The following KDM4C variants were observed in gnomAD, a reference collection of about 807,000 sequenced individuals.
The protein encoded by KDM4C is lysine demethylase 4C, also known as lysine-specific demethylase 4C.
A neutral mutation model predicts 129.3 loss-of-function variants in KDM4C; 81 were observed. The ratio of observed to expected loss-of-function variants is 0.63; its 90% CI spans 0.52 to 0.75. The LOEUF (loss-of-function observed/expected upper bound fraction) is 0.75. Among genes scored for constraint, KDM4C ranks in the 30% least tolerant of loss-of-function variants. The pLI, the probability that KDM4C is intolerant of heterozygous loss-of-function variation, is 0.00. For synonymous variants in KDM4C, 573 were observed against 456.1 expected, an observed-to-expected ratio of 1.26 and a Z score of -3.26; for missense variants, 1,457 against 1,304.0, an observed-to-expected ratio of 1.12 and a Z score of -1.81.
chr9:6,941,576 C>CTGT (rs1349236931), intron 8 of KDM4C: 1 of 152,218 alleles, frequency 6.6e-6, no homozygotes, highest in East Asian at 1.9e-4. Context: ...TTTCCTCTGA[C>CTGT]TGTTACCAGG....
At chr9:7,117,851 C>T (rs1311447682) in intron 18 of KDM4C, among the ~76,000 whole-genome samples, 1 of 152,206 alleles carries the variant, frequency 6.6e-6, no homozygotes, top group Non-Finnish European at 1.5e-5. Flanking sequence ...GTAGGCGAAG[C>T]TCATGCCAGG....
At chr9:6,769,071 C>T (rs893910278) in intron 1 of KDM4C, among the ~76,000 whole-genome samples, 2 of 152,114 alleles carry the variant, frequency 1.3e-5, no homozygotes, top group East Asian at 3.8e-4. Context: ...CTACACCTGG[C>T]CTGGAGTTTG....
At chr9:6,941,308 G>C (rs1241619942) in intron 8 of KDM4C, among the ~76,000 whole-genome samples, 2 of 152,092 alleles carry the variant, frequency 1.3e-5, no homozygotes, top group East Asian at 1.9e-4. Flanking sequence ...TTTTTCATAT[G>C]TTTATTCACT....
At chr9:7,055,862 T>C (rs1469552018) in intron 17 of KDM4C, among the ~76,000 whole-genome samples, 1 of 152,218 alleles carries the variant, frequency 6.6e-6, no homozygotes, top group Non-Finnish European at 1.5e-5. Context: ...CGTGAGCAAC[T>C]TGGCTTTCTT....
At chr9:7,019,603 C>T (rs572802868) in intron 15 of KDM4C, among the ~76,000 whole-genome samples, 3 of 149,912 alleles carry the variant, frequency 2.0e-5, no homozygotes, top group Middle Eastern at 7.0e-3. Context: ...TTCAACGCCT[C>T]GTGTTCATTT....
intron 5 of KDM4C, among the ~76,000 whole-genome samples, chr9:6,873,227 C>T (rs1843032046): frequency 6.6e-6 from 1 of 152,158 alleles, no homozygotes; most frequent in Non-Finnish European, 1.5e-5. Flanking sequence ...GAACTCCTGA[C>T]CTCAGGTGAT....
chr9:6,919,545 GTCTA>G (rs1029513535), intron 8 of KDM4C, among the ~76,000 whole-genome samples: 4,414 of 79,294 alleles, frequency 0.056, 147 homozygotes, highest in African/African-American at 0.12. Flanking sequence ...CTGTCTGTCT[GTCTA>G]TCTATCTATC....
intron 17 of KDM4C, among the ~76,000 whole-genome samples, chr9:7,071,073 C>G (rs745449019): frequency 6.6e-6 from 1 of 152,010 alleles, no homozygotes; most frequent in Non-Finnish European, 1.5e-5. Flanking sequence ...CCATTAATGC[C>G]AAAATAATGA....
At chr9:7,144,202 C>T (rs1345823588) in intron 19 of KDM4C, among the ~76,000 whole-genome samples, 5 of 151,892 alleles carry the variant, frequency 3.3e-5, no homozygotes, top group Middle Eastern at 3.4e-3. Flanking sequence ...ACGCTCACCT[C>T]GGCCTCCCAA....
chr9:6,836,161 T>TA (rs369497432), intron 4 of KDM4C, among the ~76,000 whole-genome samples: 1 of 151,944 alleles, frequency 6.6e-6, no homozygotes, highest in African/African-American at 2.4e-5. Context: ...GTGCACAACT[T>TA]AAAAAAATCA....
chr9:6,842,061 C>T (rs985289784), intron 4 of KDM4C, among the ~76,000 whole-genome samples: 3 of 152,136 alleles, frequency 2.0e-5, no homozygotes, highest in Admixed American at 1.3e-4. Context: ...AGGTTCCTAC[C>T]ACTTGTATAG....
rs1846655932 is a variant in KDM4C at position 6,895,100 on chromosome 9, C to CTTA, written c.921+1868_921+1869insTTA. ...AGATTTTTTCAGTGTTATGGCCACC[C>CTTA]CTTACTTCCTTTGGCCAGGTGATGT... is the stretch of plus-strand genomic sequence containing the variant. On this transcript the variant is annotated intron_variant, in intron 8 of 21. Coordinates refer to ENST00000381309, the MANE Select transcript of KDM4C (RefSeq NM_015061.6). Among the ~76,000 whole-genome samples, 17 of 152,222 alleles carry CTTA rather than the reference C, an allele frequency of 1.1e-4. No homozygotes were observed. The South Asian group carries it at 3.5e-3, about 32-fold the overall frequency.
At chr9:7,015,831 G>C (rs1284066944) in intron 14 of KDM4C, 22 bp from the exon 15 acceptor site, 7 of 1,540,176 alleles carry the variant, frequency 4.5e-6, no homozygotes, top group Non-Finnish European at 6.3e-6. Flanking sequence ...CTAACGCATG[G>C]ATACATACTA....
chr9:6,935,895 T>C (rs1238483411), intron 8 of KDM4C, among the ~76,000 whole-genome samples: 2 of 152,282 alleles, frequency 1.3e-5, no homozygotes, highest in East Asian at 3.9e-4. Context: ...AGGGCTTGAA[T>C]TTTTTGAAGA....
chr9:7,085,097 C>G (rs1834959837), intron 17 of KDM4C, among the ~76,000 whole-genome samples: 1 of 152,178 alleles, frequency 6.6e-6, no homozygotes, highest in Non-Finnish European at 1.5e-5. Flanking sequence ...TTCGAGGACC[C>G]TGAGGTGGAA....
intron 17 of KDM4C, among the ~76,000 whole-genome samples, chr9:7,086,707 A>G (rs1345350363): frequency 3.9e-5 from 6 of 152,362 alleles, no homozygotes; most frequent in Admixed American, 3.3e-4. Context: ...ATCATGGACT[A>G]TGCATGCAGG....
At chr9:6,765,041 G>A (rs1160470227) in intron 1 of KDM4C, among the ~76,000 whole-genome samples, 12 of 152,032 alleles carry the variant, frequency 7.9e-5, no homozygotes, top group Non-Finnish European at 1.3e-4. Flanking sequence ...GGATCAATCC[G>A]CTTGTCTCCA....
rs75604780 is a variant in KDM4C at position 7,170,971 on chromosome 9, T to C, written c.2994+1081T>C. ...AAACTCATAATGTTTTAAGCAAGTT[T>C]ACAGATTTGTGTTTGGCCGCGTTAA... On this transcript the variant is annotated intron_variant, in intron 21 of 21. Coordinates refer to ENST00000381309, the MANE Select transcript of KDM4C (RefSeq NM_015061.6). The C allele has an allele frequency of 0.014, 2,530 of 186,220 alleles. 204 individuals carry two copies. In the East Asian group the frequency reaches 0.26, roughly 19 times the overall value. 11.5% of individuals were successfully genotyped at this position (186,220 alleles called of 1,614,324 possible).
intron 15 of KDM4C, among the ~76,000 whole-genome samples, chr9:7,041,975 G>A (rs1177061874): frequency 6.6e-6 from 1 of 151,976 alleles, no homozygotes. Flanking sequence ...CACCTCAAGA[G>A]GATTATTCAT....
Sources: allele counts gnomAD v4.1 joint callset (sites outside exome capture counted in the v4.1 genomes callset), GRCh38; gene constraint gnomAD v4.1.1; transcripts MANE v1.5; gene names NCBI Gene and HGNC (gene_info 2026-07-23, HGNC 2026-07-21).